The following ANKIB1 variants were observed in gnomAD, a reference collection of about 807,000 sequenced individuals.
The protein encoded by ANKIB1 is ankyrin repeat and IBR domain containing 1, also known as ankyrin repeat and IBR domain-containing protein 1.
In ANKIB1, 43 loss-of-function variants were observed where a neutral mutation model predicts 122.1. The observed-to-expected ratio is 0.35, with a 90% CI of 0.28 to 0.45. The LOEUF (loss-of-function observed/expected upper bound fraction) is 0.45, where lower values mean the gene tolerates loss of function less well. Ranked by LOEUF, ANKIB1 falls within the 20% of genes least tolerant of loss-of-function variation. ANKIB1 has a pLI of 1.00. For synonymous variants in ANKIB1, 390 were observed against 442.0 expected (o/e 0.88, Z 1.48); for missense variants, 992 against 1,329.5 (o/e 0.75, Z 3.95).
chr7:92,264,243 A>G (rs145770072), intron 1 of ANKIB1, among the ~76,000 whole-genome samples: 369 of 151,158 alleles, frequency 2.4e-3, no homozygotes, highest in Middle Eastern at 0.017. Flanking sequence ...GGGAAAACCT[A>G]AGTTACATGT....
intron 2 of ANKIB1, among the ~76,000 whole-genome samples, chr7:92,306,909 T>C (rs1172055048): frequency 6.6e-6 from 1 of 152,168 alleles, no homozygotes; most frequent in African/African-American, 2.4e-5. Context: ...GTAGTTGTTG[T>C]CACTATTAAA....
intron 2 of ANKIB1, among the ~76,000 whole-genome samples, chr7:92,306,977 G>A (rs1802575058): frequency 2.0e-5 from 3 of 152,026 alleles, no homozygotes; most frequent in Admixed American, 2.0e-4. Context: ...AAATTAGTGT[G>A]GAATGCTTAA....
At chr7:92,315,170 T>G (rs1190691307) in intron 3 of ANKIB1, among the ~76,000 whole-genome samples, 1 of 152,190 alleles carries the variant, frequency 6.6e-6, no homozygotes, top group Non-Finnish European at 1.5e-5. Flanking sequence ...TGGGCATGAT[T>G]TTGAGCCCAA....
At chr7:92,283,092 A>G (rs554303434) in intron 1 of ANKIB1, among the ~76,000 whole-genome samples, 13 of 152,134 alleles carry the variant, frequency 8.5e-5, no homozygotes, top group South Asian at 8.3e-4. Context: ...GATATCTAAG[A>G]GGAGCCAGAA....
intron 14 of ANKIB1, 78 bp downstream of exon 14, chr7:92,388,119 C>G (rs765251140): frequency 1.1e-4 from 144 of 1,305,694 alleles, no homozygotes; most frequent in Non-Finnish European, 1.5e-4. Context: ...AGGTTAGGCC[C>G]TGAAAGGAAT....
intron 2 of ANKIB1, among the ~76,000 whole-genome samples, chr7:92,298,740 G>T (rs1802403766): frequency 7.5e-6 from 1 of 133,284 alleles, no homozygotes; most frequent in Admixed American, 8.3e-5. Flanking sequence ...AGTAATCATT[G>T]TATTCATCAC....
intron 5 of ANKIB1, among the ~76,000 whole-genome samples, chr7:92,333,261 AT>A (rs1464974166): frequency 5.3e-5 from 8 of 152,112 alleles, no homozygotes; most frequent in Non-Finnish European, 7.4e-5. Context: ...GGAAGTGTTT[AT>A]TTTTTTAAAA....
chr7:92,369,107 T>C (rs1804170902), intron 10 of ANKIB1, among the ~76,000 whole-genome samples: 1 of 152,232 alleles, frequency 6.6e-6, no homozygotes. Context: ...TGTACTTAAA[T>C]GATTAGGTAT....
chr7:92,390,014 T>A lies in ANKIB1; in HGVS notation c.1950T>A (p.Val650=). 1.2e-6 allele frequency: 2 copies of A among 1,607,054 alleles called. No individual in the cohort carries two copies. The highest frequency in any genetic ancestry group is 1.7e-6 in the Non-Finnish European group (2 of 1,177,764). The change falls in exon 15 of 20, where the codon GTT becomes GTA. Residue 650 remains valine (V), a synonymous_variant. Transcript: ENST00000265742. ...ATACCACTTTCATTGAAGATGCAGT[T>A]CATGTGCTCTTAAAAACTCGGCGCA... ...CPDTTFIEDA[V]HVLLKTRRIL...
chr7:92,394,020 G>C (rs1053502915), intron 17 of ANKIB1, among the ~76,000 whole-genome samples: 1 of 151,976 alleles, frequency 6.6e-6, no homozygotes, highest in Admixed American at 6.6e-5. Flanking sequence ...AAGCATAAAG[G>C]TTTGTTTTAT....
At chr7:92,315,196 G>A (rs531563847) in intron 3 of ANKIB1, among the ~76,000 whole-genome samples, 24 of 152,296 alleles carry the variant, frequency 1.6e-4, no homozygotes, top group African/African-American at 5.8e-4. Flanking sequence ...TTCGAAGCCT[G>A]CTAACAATTA....
At position 92,391,324 on chromosome 7, in the gene ANKIB1, A is replaced by T. The variant is rs777922260; in HGVS notation, c.2211A>T (p.Ser737=). ...SVARGVAPAD[S]PEAPRRSFAG... Reference sequence around the variant, plus strand: ...CTCGGGGAGTAGCTCCTGCAGACTCACCAGAAGCTCCAAGGCGCAGGTAAA... The same window carrying T: ...CTCGGGGAGTAGCTCCTGCAGACTCTCCAGAAGCTCCAAGGCGCAGGTAAA... Residue 737 remains serine (S), a synonymous_variant, in exon 16 of 20, where the codon TCA becomes TCT. Coordinates refer to ENST00000265742, the MANE Select transcript of ANKIB1 (RefSeq NM_019004.2). 9.3e-6 allele frequency: 15 copies of T among 1,612,140 alleles called. No homozygotes were observed. Among genetic ancestry groups the T allele is most frequent in the African/African-American group, 1.3e-5 (1 of 74,794 alleles).
At chr7:92,338,312 G>A (rs1178633460) in intron 5 of ANKIB1, among the ~76,000 whole-genome samples, 1 of 151,848 alleles carries the variant, frequency 6.6e-6, no homozygotes, top group Non-Finnish European at 1.5e-5. Context: ...CAGCTACTCA[G>A]GAGGCTGAGG....
intron 3 of ANKIB1, among the ~76,000 whole-genome samples, chr7:92,315,240 T>C (rs73711594): frequency 0.034 from 5,184 of 152,116 alleles, 252 homozygotes; most frequent in African/African-American, 0.11. Context: ...AATGGAGAAA[T>C]TGGTTGAAAG....
chr7:92,253,755 T>TCACAC (rs1801380009), intron 1 of ANKIB1, among the ~76,000 whole-genome samples: 1 of 152,132 alleles, frequency 6.6e-6, no homozygotes, highest in Non-Finnish European at 1.5e-5. Flanking sequence ...AGTATGTGTG[T>TCACAC]ACATTCAGAC....
At chr7:92,296,577 CTT>C (rs1363467998) in intron 2 of ANKIB1, among the ~76,000 whole-genome samples, 2 of 152,114 alleles carry the variant, frequency 1.3e-5, no homozygotes, top group Non-Finnish European at 2.9e-5. Context: ...GAACCTCTCT[CTT>C]TTTAAAAAAC....
intron 4 of ANKIB1, among the ~76,000 whole-genome samples, chr7:92,323,055 G>A (rs981720467): frequency 6.6e-6 from 1 of 152,126 alleles, no homozygotes; most frequent in Non-Finnish European, 1.5e-5. Context: ...TTAGCTAATT[G>A]TCTGCTGCTA....
At chr7:92,309,923 T>TAAAAAAAAAAAAAAA (rs869276384) in intron 3 of ANKIB1, among the ~76,000 whole-genome samples, 2 of 96,052 alleles carry the variant, frequency 2.1e-5, no homozygotes, top group African/African-American at 4.4e-5. Context: ...AGACTCCATC[T>TAAAAAAAAAAAAAAA]AAAAAAAAAA....
chr7:92,269,680 C>G (rs921855988), intron 1 of ANKIB1, among the ~76,000 whole-genome samples: 6 of 152,228 alleles, frequency 3.9e-5, no homozygotes, highest in Admixed American at 3.3e-4. Flanking sequence ...AAGGGGTTAG[C>G]AGGCATCACC....
Sources: allele counts gnomAD v4.1 joint callset (sites outside exome capture counted in the v4.1 genomes callset), GRCh38; gene constraint gnomAD v4.1.1; transcripts MANE v1.5; gene names NCBI Gene and HGNC (gene_info 2026-07-23, HGNC 2026-07-21).